The following CHST15 variants were observed in gnomAD, a reference collection of about 807,000 sequenced individuals.
CHST15 encodes the protein B cell RAG associated protein (GALNAC4S-6ST).
CHST15 carries 30 observed loss-of-function variants against 53.6 expected under a neutral mutation model. That is an observed-to-expected ratio of 0.56 (90% CI 0.42 to 0.76). The LOEUF (loss-of-function observed/expected upper bound fraction) is 0.76. Ranked by LOEUF, CHST15 falls within the 30% of genes least tolerant of loss-of-function variation. The probability of loss-of-function intolerance (pLI) is 0.00; values close to 1 mark genes in which losing one functional copy is unlikely to be tolerated. For synonymous variants in CHST15, 296 were observed against 289.8 expected (o/e 1.02, Z -0.22); for missense variants, 627 against 740.5 (o/e 0.85, Z 1.78).
chr10:124,021,231 G>T (rs1346388627), intron 6 of CHST15, 25 bp downstream of exon 6: 1 of 1,556,004 alleles, frequency 6.4e-7, no homozygotes, highest in East Asian at 2.4e-5. Flanking sequence ...CCAGCTCGGG[G>T]GGTACGGGGG....
At chr10:124,093,375 C>A (rs909497805) in intron 1 of CHST15, 94 bp downstream of exon 1, 4 of 152,636 alleles carry the variant, frequency 2.6e-5, no homozygotes, top group African/African-American at 9.7e-5. Flanking sequence ...TGGCCCGAAC[C>A]CGCGGAGGGG....
At chr10:124,076,171 A>G (rs1422091792) in intron 1 of CHST15, among the ~76,000 whole-genome samples, 1 of 152,184 alleles carries the variant, frequency 6.6e-6, no homozygotes, top group East Asian at 1.9e-4. Flanking sequence ...CTGTGTGTCA[A>G]TCTTTTCCAT....
chr10:124,075,299 G>A (rs1485523839), intron 1 of CHST15, among the ~76,000 whole-genome samples: 5 of 152,192 alleles, frequency 3.3e-5, no homozygotes, highest in Admixed American at 6.5e-5. Flanking sequence ...ACACATCTGA[G>A]GCTCCATGGG....
chr10:124,047,775 A>G (rs1948055414), intron 1 of CHST15, among the ~76,000 whole-genome samples: 1 of 152,250 alleles, frequency 6.6e-6, no homozygotes, highest in South Asian at 2.1e-4. Context: ...CAGCATTGAT[A>G]ATAATAGCAT....
rs1947884957 is a variant in CHST15 at position 124,044,565 on chromosome 10, G to A, written c.886+15C>T. 3 of 1,481,552 alleles carry A rather than the reference G, an allele frequency of 2.0e-6. No homozygotes were observed. In the East Asian group the frequency reaches 7.6e-5, roughly 37 times the overall value. 91.8% of individuals were successfully genotyped at this position (1,481,552 alleles called of 1,614,324 possible). ...GGAACGAGACCAGACAGGAGCCCTG[G>A]GACCCAGCACTCACCAAAGCGCTTC... is the stretch of plus-strand genomic sequence containing the variant. On this transcript the variant is annotated intron_variant, in intron 3 of 7. Coordinates refer to ENST00000435907, the MANE Select transcript of CHST15 (RefSeq NM_001270764.2).
intron 5 of CHST15, among the ~76,000 whole-genome samples, chr10:124,022,533 A>C (rs1401343350): frequency 6.6e-6 from 1 of 152,208 alleles, no homozygotes; most frequent in Non-Finnish European, 1.5e-5. Context: ...CGTGCTAATA[A>C]ACACCAGTGA....
At chr10:124,093,128 A>G (rs1375974489) in intron 1 of CHST15, among the ~76,000 whole-genome samples, 2 of 152,156 alleles carry the variant, frequency 1.3e-5, no homozygotes, top group African/African-American at 2.4e-5. Flanking sequence ...GCCAGGACCA[A>G]TGGCGAAGGG....
At chr10:124,057,922 G>A (rs1447864094) in intron 1 of CHST15, among the ~76,000 whole-genome samples, 2 of 151,984 alleles carry the variant, frequency 1.3e-5, no homozygotes, top group African/African-American at 4.8e-5. Context: ...TTTTCTCAGC[G>A]AAGGGGCAGG....
At chr10:124,011,548 C>T (rs1423144757) in intron 7 of CHST15, 2 of 985,358 alleles carry the variant, frequency 2.0e-6, no homozygotes, top group Non-Finnish European at 2.4e-6. Context: ...AGGAGGCGTT[C>T]TGGGAAGGAG....
At chr10:124,046,978 G>A (rs1333568805) in intron 1 of CHST15, among the ~76,000 whole-genome samples, 3 of 152,136 alleles carry the variant, frequency 2.0e-5, no homozygotes, top group Non-Finnish European at 4.4e-5. Context: ...CACATCAAAC[G>A]TCTCACATTG....
At chr10:124,021,055 G>A (rs1443443171) in intron 6 of CHST15, 1 of 1,441,522 alleles carries the variant, frequency 6.9e-7, no homozygotes, top group Non-Finnish European at 9.1e-7. Context: ...CAGCAGGGAG[G>A]AAGGCAGGAG....
chr10:124,035,598 C>T (rs557338858), intron 5 of CHST15, among the ~76,000 whole-genome samples: 2 of 148,426 alleles, frequency 1.3e-5, no homozygotes, highest in East Asian at 2.1e-4. Flanking sequence ...CCTAACAGGG[C>T]CCATGGTTTC....
chr10:124,069,723 G>A (rs1293666105), intron 1 of CHST15, among the ~76,000 whole-genome samples: 1 of 152,210 alleles, frequency 6.6e-6, no homozygotes, highest in East Asian at 1.9e-4. Flanking sequence ...CCTGCCATAG[G>A]ACACCTGGGC....
Position 124,042,643 on chromosome 10 carries a change from T to A in CHST15, c.887-196A>T, listed in dbSNP as rs371298528. Among the ~76,000 whole-genome samples the A allele has an allele frequency of 5.9e-5, 9 of 152,130 alleles. No individual in the cohort carries two copies. The South Asian group carries it at 1.4e-3, about 25-fold the overall frequency. On this transcript the variant is annotated intron_variant, in intron 3 of 7. Coordinates refer to ENST00000435907, the MANE Select transcript of CHST15 (RefSeq NM_001270764.2). The stretch of plus-strand genomic sequence containing the variant: ...GGTCTATGCGGCCTGGCTACCCACT[T>A]CAATCCATGCATGCTTCAAGGGCTG...
intron 1 of CHST15, among the ~76,000 whole-genome samples, chr10:124,048,446 C>T (rs1948077281): frequency 6.6e-6 from 1 of 152,188 alleles, no homozygotes; most frequent in Non-Finnish European, 1.5e-5. Flanking sequence ...TTCTGGGAAG[C>T]CAGGCCAGAC....
chr10:124,043,316 G>A (rs1208338112), intron 3 of CHST15, among the ~76,000 whole-genome samples: 1 of 152,242 alleles, frequency 6.6e-6, no homozygotes, highest in African/African-American at 2.4e-5. Context: ...CAGCAAGGGA[G>A]TGTGTTCAGA....
At chr10:124,018,684 C>T (rs976594506) in intron 6 of CHST15, among the ~76,000 whole-genome samples, 1 of 152,166 alleles carries the variant, frequency 6.6e-6, no homozygotes, top group Admixed American at 6.5e-5. Flanking sequence ...TATTTGGGGG[C>T]AGTGTGCCTT....
At chr10:124,031,799 C>T (rs1404116217) in intron 5 of CHST15, among the ~76,000 whole-genome samples, 1 of 152,134 alleles carries the variant, frequency 6.6e-6, no homozygotes, top group East Asian at 1.9e-4. Flanking sequence ...GACTATCTTC[C>T]CCCATTTTAC....
chr10:124,078,599 C>T (rs1452682961), intron 1 of CHST15, among the ~76,000 whole-genome samples: 4 of 152,150 alleles, frequency 2.6e-5, no homozygotes, highest in African/African-American at 4.8e-5. Flanking sequence ...CCATAGAGCG[C>T]CATGTGGACC....
Sources: gnomAD v4.1 joint callset for allele counts (sites outside exome capture counted in the v4.1 genomes callset) on GRCh38, gnomAD v4.1.1 for gene constraint, MANE v1.5 for transcripts, NCBI Gene and HGNC (gene_info 2026-07-23, HGNC 2026-07-21) for gene names.